IGBP1C: variants seen among roughly 807,000 people sequenced by gnomAD.
The protein encoded by IGBP1C is IGBP1 family member C, also known as immunoglobulin-binding protein 1 family member C.
At chr17:58,689,249 GTC>G in the IGBP1C span, among the ~76,000 whole-genome samples, 1 of 150,402 alleles carries the variant, frequency 6.6e-6, no homozygotes, top group Non-Finnish European at 1.5e-5. Context: ...TTTAGAGGGA[GTC>G]TCTCTCTGTT....
the IGBP1C span, among the ~76,000 whole-genome samples, chr17:58,681,576 G>A: frequency 1.3e-5 from 2 of 152,040 alleles, no homozygotes; most frequent in East Asian, 1.9e-4. Context: ...AGGGCTGGTC[G>A]CAGTGGCTCA....
the IGBP1C span, among the ~76,000 whole-genome samples, chr17:58,662,969 G>T: frequency 6.6e-6 from 1 of 151,990 alleles, no homozygotes; most frequent in East Asian, 1.9e-4. Context: ...TTAGCCGGGC[G>T]TGGTGGTGGG....
chr17:58,661,115 T>C, the IGBP1C span: 1 of 912,394 alleles, frequency 1.1e-6, no homozygotes, highest in Non-Finnish European at 1.9e-6. Flanking sequence ...CTTGTATCGC[T>C]CTATTTTAGC....
At chr17:58,665,802 T>C in the IGBP1C span, among the ~76,000 whole-genome samples, 1 of 151,768 alleles carries the variant, frequency 6.6e-6, no homozygotes, top group Non-Finnish European at 1.5e-5. Context: ...TCCCAGCACT[T>C]TGGGAGGCCG....
the IGBP1C span, among the ~76,000 whole-genome samples, chr17:58,685,435 C>CAA: frequency 1.3e-5 from 1 of 78,650 alleles, no homozygotes; most frequent in African/African-American, 4.7e-5. Flanking sequence ...GACTCGGTGT[C>CAA]AAAAAAAAAA....
At chr17:58,676,377 A>C in the IGBP1C span, among the ~76,000 whole-genome samples, 1 of 150,446 alleles carries the variant, frequency 6.6e-6, no homozygotes, top group African/African-American at 2.4e-5. Flanking sequence ...AATCCATCTC[A>C]AAAAAAACCA....
At chr17:58,666,231 CCA>C in the IGBP1C span, among the ~76,000 whole-genome samples, 1 of 151,264 alleles carries the variant, frequency 6.6e-6, no homozygotes, top group Non-Finnish European at 1.5e-5. Context: ...TAATGTAATC[CCA>C]GTTTCTAGGG....
At chr17:58,685,582 CAGG>C in the IGBP1C span, among the ~76,000 whole-genome samples, 1 of 151,570 alleles carries the variant, frequency 6.6e-6, no homozygotes, top group Non-Finnish European at 1.5e-5. Context: ...GCCAAAGTAG[CAGG>C]AGTATAGGAA....
At chr17:58,691,536 G>A in the IGBP1C span, among the ~76,000 whole-genome samples, 377 of 151,906 alleles carry the variant, frequency 2.5e-3, 4 homozygotes, top group East Asian at 5.9e-3. Flanking sequence ...GCATGGTGGC[G>A]TGCGCCTGTA....
At chr17:58,667,240 G>A in the IGBP1C span, among the ~76,000 whole-genome samples, 5 of 152,174 alleles carry the variant, frequency 3.3e-5, no homozygotes, top group African/African-American at 1.2e-4. Flanking sequence ...CTGCAGAGTG[G>A]AGGGTTTTGG....
At chr17:58,689,981 C>T in the IGBP1C span, among the ~76,000 whole-genome samples, 730 of 151,450 alleles carry the variant, frequency 4.8e-3, 17 homozygotes, top group African/African-American at 0.017. Context: ...TCCCGAGTAG[C>T]TGGGACTACA....
At chr17:58,678,898 A>G in the IGBP1C span, among the ~76,000 whole-genome samples, 12 of 151,594 alleles carry the variant, frequency 7.9e-5, no homozygotes, top group African/African-American at 2.7e-4. Flanking sequence ...TCACACCTGT[A>G]ATCCCAGCAC....
chr17:58,684,940 T>C, the IGBP1C span, among the ~76,000 whole-genome samples: 23 of 152,040 alleles, frequency 1.5e-4, no homozygotes, highest in Non-Finnish European at 2.4e-4. Context: ...CATGCCTAGG[T>C]GACAGAGCAA....
chr17:58,686,895 A>G, the IGBP1C span, among the ~76,000 whole-genome samples: 2 of 83,552 alleles, frequency 2.4e-5, no homozygotes, highest in African/African-American at 4.8e-5. Flanking sequence ...TTTTTTTGAG[A>G]TGCAGTCTCG....
chr17:58,661,728 T>C, the IGBP1C span: 9 of 573,906 alleles, frequency 1.6e-5, no homozygotes, highest in Non-Finnish European at 2.8e-5. Context: ...GGCGGTGGCG[T>C]TGGGGGCGGC....
the IGBP1C span, among the ~76,000 whole-genome samples, chr17:58,691,298 CTAAG>C: frequency 5.3e-5 from 8 of 152,164 alleles, no homozygotes; most frequent in African/African-American, 1.9e-4. Context: ...TTTTTTAGAT[CTAAG>C]TATGTAGAGG....
At chr17:58,682,696 T>G in the IGBP1C span, among the ~76,000 whole-genome samples, 1 of 152,216 alleles carries the variant, frequency 6.6e-6, no homozygotes, top group Non-Finnish European at 1.5e-5. Context: ...GAGTCTTAAG[T>G]GGCTCATGAA....
the IGBP1C span, among the ~76,000 whole-genome samples, chr17:58,663,743 C>T: frequency 1.3e-5 from 2 of 152,132 alleles, no homozygotes; most frequent in Admixed American, 6.6e-5. Flanking sequence ...GCTGGGATTA[C>T]AGGCATGAGC....
the IGBP1C span, among the ~76,000 whole-genome samples, chr17:58,678,137 G>A: frequency 4.6e-5 from 7 of 152,210 alleles, no homozygotes; most frequent in Non-Finnish European, 8.8e-5. Flanking sequence ...GCGACAGAGC[G>A]AGACTCCAAC....
Sources: allele counts gnomAD v4.1 joint callset (sites outside exome capture counted in the v4.1 genomes callset), GRCh38; gene constraint gnomAD v4.1.1; transcripts MANE v1.5; gene names NCBI Gene and HGNC (gene_info 2026-07-23, HGNC 2026-07-21).